SLC25A20: variants seen among roughly 807,000 people sequenced by gnomAD.
SLC25A20 encodes solute carrier family 25 member 20, also known as mitochondrial carnitine/acylcarnitine carrier protein.
In SLC25A20, 29 loss-of-function variants were observed where a neutral mutation model predicts 39.7. That is an observed-to-expected ratio of 0.73 (90% confidence interval 0.54 to 1.00). The LOEUF is 1.00. Ranked by LOEUF, SLC25A20 falls within the 50% of genes least tolerant of loss-of-function variation. The pLI, the probability that SLC25A20 is intolerant of heterozygous loss-of-function variation, is 0.00. For missense variants in SLC25A20, 333 were observed against 379.9 expected, an observed-to-expected ratio of 0.88 and a Z score of 1.03; for synonymous variants, 103 against 142.2, an observed-to-expected ratio of 0.72 and a Z score of 1.96.
In SLC25A20 at chr3:48,858,640, C is replaced by T. The variant is rs973098577; in HGVS notation, c.719-9G>A. On this transcript the variant is annotated splice_polypyrimidine_tract_variant and intron_variant, in intron 7 of 8. Coordinates refer to ENST00000319017, the MANE Select transcript of SLC25A20 (RefSeq NM_000387.6). ...ATATTTCCCAGGAGGTGCTGTGGGGCAGAACCCAATTTTTAAGGCTTCAGG... is the reference window on the plus strand; with the variant it reads ...ATATTTCCCAGGAGGTGCTGTGGGGTAGAACCCAATTTTTAAGGCTTCAGG... 6 of 1,614,004 alleles carry T rather than the reference C, an allele frequency of 3.7e-6. No individual in the cohort carries two copies. The Admixed American group carries it at 5.0e-5, about 13-fold the overall frequency.
chr3:48,892,682 G>A (rs2083885928), intron 1 of SLC25A20, among the ~76,000 whole-genome samples: 3 of 152,100 alleles, frequency 2.0e-5, no homozygotes, highest in African/African-American at 7.2e-5. Flanking sequence ...GATCTATTTA[G>A]GCCTTCAACT....
Position 48,883,812 on chromosome 3 carries a change from C to T in SLC25A20, c.326+185G>A, listed in dbSNP as rs566761773. Among the ~76,000 whole-genome samples the T allele has an allele frequency of 2.4e-3, 364 of 152,040 alleles. 2 individuals are homozygous for T. Among genetic ancestry groups the T allele is most frequent in the Admixed American group, 3.9e-3 (60 of 15,238 alleles). On this transcript the variant is annotated intron_variant, in intron 3 of 8. Coordinates refer to ENST00000319017, the MANE Select transcript of SLC25A20 (RefSeq NM_000387.6). Reference sequence around the variant, plus strand: ...AATTTTTTTGTATTTTTAGTAGAGACAGGGTTTTGCCATGTTGGCCAAGCT... The same window carrying T: ...AATTTTTTTGTATTTTTAGTAGAGATAGGGTTTTGCCATGTTGGCCAAGCT...
At chr3:48,896,328 C>G (rs2083909589) in intron 1 of SLC25A20, among the ~76,000 whole-genome samples, 1 of 151,688 alleles carries the variant, frequency 6.6e-6, no homozygotes, top group African/African-American at 2.4e-5. Flanking sequence ...CACCACCATG[C>G]CCAGCTAATT....
chr3:48,865,118 C>A (rs1388804763), intron 4 of SLC25A20, among the ~76,000 whole-genome samples: 1 of 141,666 alleles, frequency 7.1e-6, no homozygotes, highest in African/African-American at 2.6e-5. Context: ...CAGGAAAAGT[C>A]TGAGTTGGAG....
At chr3:48,873,775 C>T (rs1206026841) in intron 4 of SLC25A20, among the ~76,000 whole-genome samples, 3 of 147,428 alleles carry the variant, frequency 2.0e-5, no homozygotes, top group Admixed American at 6.8e-5. Context: ...GTCAGGAGAT[C>T]GAGATCACGG....
chr3:48,888,860 G>T (rs1377038298), intron 2 of SLC25A20, among the ~76,000 whole-genome samples: 1 of 152,106 alleles, frequency 6.6e-6, no homozygotes, highest in Non-Finnish European at 1.5e-5. Flanking sequence ...GCTGAGGCGG[G>T]TGGATCATGA....
chr3:48,862,734 GT>G (rs2083637046), intron 4 of SLC25A20, 75 bp from the exon 5 acceptor site: 1 of 913,828 alleles, frequency 1.1e-6, no homozygotes, highest in Admixed American at 1.7e-5. Flanking sequence ...AGACTACAAA[GT>G]AAGTATGGCC....
At chr3:48,867,085 G>A (rs148259165) in intron 4 of SLC25A20, among the ~76,000 whole-genome samples, 2,065 of 151,812 alleles carry the variant, frequency 0.014, 41 homozygotes, top group Non-Finnish European at 0.015. Flanking sequence ...GTGAGCCACC[G>A]CGCCTGGCCC....
chr3:48,861,774 C>A (rs1488913953), intron 5 of SLC25A20, among the ~76,000 whole-genome samples: 1 of 151,926 alleles, frequency 6.6e-6, no homozygotes, highest in Non-Finnish European at 1.5e-5. Context: ...CACCAGTAAT[C>A]CCGGCACCTT....
intron 6 of SLC25A20, 95 bp from the exon 7 acceptor site, chr3:48,859,296 G>T: frequency 8.6e-7 from 1 of 1,160,532 alleles, no homozygotes; most frequent in Non-Finnish European, 1.3e-6. Context: ...TTACAGACAG[G>T]CAGAAACTGG....
chr3:48,897,119 T>C lies in SLC25A20; in HGVS notation c.105+1571A>G, dbSNP rs1424569515. ...TAACCTTGGAACTCTGAAAGTACCT[T>C]AAGGTCAGGCTTTGATTGGAGCCCA... is the stretch of plus-strand genomic sequence containing the variant. On this transcript the variant is annotated intron_variant, in intron 1 of 8. Coordinates refer to ENST00000319017, the MANE Select transcript of SLC25A20 (RefSeq NM_000387.6). 1.0e-4 allele frequency among the ~76,000 whole-genome samples: 15 copies of C among 149,970 alleles called. No homozygotes were observed. The East Asian group carries it at 2.5e-3, about 25-fold the overall frequency.
At chr3:48,896,774 T>A (rs2106670565) in intron 1 of SLC25A20, among the ~76,000 whole-genome samples, 1 of 152,010 alleles carries the variant, frequency 6.6e-6, no homozygotes, top group East Asian at 1.9e-4. Flanking sequence ...TGCCTCAGCC[T>A]CCCAAAGTGC....
intron 2 of SLC25A20, among the ~76,000 whole-genome samples, chr3:48,886,572 A>C (rs1301318402): frequency 1.3e-5 from 2 of 151,844 alleles, no homozygotes; most frequent in Non-Finnish European, 2.9e-5. Context: ...TATAATAGTA[A>C]ATGTATATTA....
At chr3:48,873,968 C>CAA (rs11316117) in intron 4 of SLC25A20, among the ~76,000 whole-genome samples, 77 of 40,952 alleles carry the variant, frequency 1.9e-3, no homozygotes, top group Admixed American at 2.1e-3. Flanking sequence ...GACTCCATCT[C>CAA]AAAAAAAAAA....
chr3:48,888,173 C>G (rs1327839657), intron 2 of SLC25A20, among the ~76,000 whole-genome samples: 1 of 138,236 alleles, frequency 7.2e-6, no homozygotes, highest in Non-Finnish European at 1.5e-5. Flanking sequence ...GACCACTGCA[C>G]TCCAGTCTGA....
chr3:48,858,833 G>T (rs1259796096), intron 7 of SLC25A20, among the ~76,000 whole-genome samples: 2 of 152,206 alleles, frequency 1.3e-5, no homozygotes, highest in African/African-American at 2.4e-5. Context: ...GAAGAAGAAT[G>T]AAACAGCCCT....
chr3:48,883,821 G>T (rs1334692825), intron 3 of SLC25A20, among the ~76,000 whole-genome samples, 176 bp downstream of exon 3: 1 of 151,826 alleles, frequency 6.6e-6, no homozygotes, highest in African/African-American at 2.4e-5. Context: ...ACAGGGTTTT[G>T]CCATGTTGGC....
At chr3:48,881,412 C>T (rs1418068140) in intron 3 of SLC25A20, among the ~76,000 whole-genome samples, 3 of 152,184 alleles carry the variant, frequency 2.0e-5, no homozygotes, top group Non-Finnish European at 4.4e-5. Context: ...TGAATAGGAT[C>T]TCTGTGTGTG....
intron 1 of SLC25A20, among the ~76,000 whole-genome samples, chr3:48,897,298 C>T (rs1365331114): frequency 6.9e-6 from 1 of 144,042 alleles, no homozygotes; most frequent in African/African-American, 2.6e-5. Context: ...GGAGTGACAT[C>T]AAGGACAAAG....
Sources: gnomAD v4.1 joint callset for allele counts (sites outside exome capture counted in the v4.1 genomes callset) on GRCh38, gnomAD v4.1.1 for gene constraint, MANE v1.5 for transcripts, NCBI Gene and HGNC (gene_info 2026-07-23, HGNC 2026-07-21) for gene names.